TMEM117: variants seen among roughly 807,000 people sequenced by gnomAD.
TMEM117 encodes the protein transmembrane protein 117.
Under a neutral mutation model 52.4 loss-of-function variants are expected in TMEM117, and 27 were observed. The ratio of observed to expected loss-of-function variants is 0.51; its 90% CI spans 0.38 to 0.71. The LOEUF (loss-of-function observed/expected upper bound fraction) is 0.71, where lower values mean the gene tolerates loss of function less well. Among genes scored for constraint, TMEM117 ranks in the 30% least tolerant of loss-of-function variants. The probability of loss-of-function intolerance (pLI) is 0.00; values close to 1 mark genes in which losing one functional copy is unlikely to be tolerated. For synonymous variants in TMEM117, 215 were observed against 206.3 expected (o/e 1.04, Z -0.36); for missense variants, 556 against 630.5 (o/e 0.88, Z 1.26).
chr12:44,038,253 G>A (rs760181508), intron 3 of TMEM117, among the ~76,000 whole-genome samples: 1 of 152,116 alleles, frequency 6.6e-6, no homozygotes, highest in South Asian at 2.1e-4. Context: ...GCCCCTTGGG[G>A]AGCCTATACC....
intron 2 of TMEM117, among the ~76,000 whole-genome samples, chr12:43,856,454 T>C (rs1203884132): frequency 6.6e-6 from 1 of 152,178 alleles, no homozygotes; most frequent in African/African-American, 2.4e-5. Flanking sequence ...TGGAGTGACC[T>C]TCTGGCATAA....
rs1943209170 is a variant in TMEM117, at chr12:43,846,428, T to C, written c.277+1500T>C. ...CCTAGAGAGACTGGGTTGACTTTCC[T>C]GGTCTCAAGTTTAAACTCTCAGGGA... On this transcript the variant is annotated intron_variant, in intron 2 of 7. Transcript: ENST00000266534. Among the ~76,000 whole-genome samples, 4 of 152,226 alleles carry C rather than the reference T, an allele frequency of 2.6e-5. No individual in the cohort carries two copies. In the South Asian group the frequency reaches 6.2e-4, roughly 24 times the overall value.
intron 5 of TMEM117, among the ~76,000 whole-genome samples, chr12:44,226,494 T>C (rs779577629): frequency 7.4e-5 from 11 of 148,974 alleles, no homozygotes; most frequent in Non-Finnish European, 1.5e-4. Context: ...TAAATATAAA[T>C]ATATATATGT....
At chr12:44,158,912 C>A (rs1948863221) in intron 4 of TMEM117, among the ~76,000 whole-genome samples, 1 of 152,126 alleles carries the variant, frequency 6.6e-6, no homozygotes, top group Non-Finnish European at 1.5e-5. Context: ...GTACAGCTGG[C>A]TGGCAGATTG....
At chr12:43,903,428 CATA>C (rs1231426956) in intron 2 of TMEM117, among the ~76,000 whole-genome samples, 4 of 152,070 alleles carry the variant, frequency 2.6e-5, no homozygotes, top group Non-Finnish European at 5.9e-5. Flanking sequence ...AGTCATCTCA[CATA>C]AAAAATGGGA....
chr12:43,821,074 A>G, the TMEM117 span, among the ~76,000 whole-genome samples: 12 of 151,436 alleles, frequency 7.9e-5, no homozygotes, highest in East Asian at 1.9e-4. Context: ...TAGCCTGGGC[A>G]ACAAAGCAAG....
chr12:44,159,081 T>TG (rs1467198480), intron 4 of TMEM117, among the ~76,000 whole-genome samples: 4 of 152,062 alleles, frequency 2.6e-5, no homozygotes. Context: ...TGATTGGAGA[T>TG]GGGGGCGGCA....
At chr12:44,333,213 G>A (rs1226853964) in intron 6 of TMEM117, among the ~76,000 whole-genome samples, 3 of 152,026 alleles carry the variant, frequency 2.0e-5, no homozygotes, top group Admixed American at 2.0e-4. Flanking sequence ...AATGCATGGA[G>A]TAAGTGTACT....
the TMEM117 span, among the ~76,000 whole-genome samples, chr12:43,813,231 GTTTTTTTTT>G: frequency 5.3e-3 from 334 of 62,658 alleles, 1 homozygote; most frequent in Non-Finnish European, 9.1e-3. Flanking sequence ...GTTTTCTCTT[GTTTTTTTTT>G]TTTTTTTTTT....
intron 3 of TMEM117, among the ~76,000 whole-genome samples, chr12:43,976,747 A>G (rs908279667): frequency 1.3e-5 from 2 of 151,990 alleles, no homozygotes; most frequent in African/African-American, 4.8e-5. Context: ...GATCTCCTAC[A>G]TCTCCCCCTT....
intron 3 of TMEM117, among the ~76,000 whole-genome samples, chr12:44,036,049 AGTTTTG>A (rs1227731734): frequency 6.6e-6 from 1 of 152,128 alleles, no homozygotes; most frequent in Non-Finnish European, 1.5e-5. Flanking sequence ...TTTTCTACAC[AGTTTTG>A]GGGCACTAAT....
At chr12:44,149,044 C>T (rs915221530) in intron 4 of TMEM117, among the ~76,000 whole-genome samples, 1 of 152,198 alleles carries the variant, frequency 6.6e-6, no homozygotes, top group African/African-American at 2.4e-5. Context: ...GGGACACATG[C>T]TTGTGAACAC....
chr12:43,883,035 G>A (rs996463681), intron 2 of TMEM117, among the ~76,000 whole-genome samples: 1 of 152,072 alleles, frequency 6.6e-6, no homozygotes, highest in Non-Finnish European at 1.5e-5. Context: ...TCTTATTTGA[G>A]TTTTTGGGTT....
chr12:44,273,444 G>A (rs957258518), intron 5 of TMEM117, among the ~76,000 whole-genome samples: 1 of 151,574 alleles, frequency 6.6e-6, no homozygotes, highest in African/African-American at 2.4e-5. Flanking sequence ...GAGGAGGAAG[G>A]AATACTTCCA....
chr12:44,091,562 G>T (rs754643828), intron 3 of TMEM117, among the ~76,000 whole-genome samples: 7 of 152,110 alleles, frequency 4.6e-5, no homozygotes, highest in African/African-American at 1.4e-4. Context: ...TATTTACAGC[G>T]TGCCACTAAG....
chr12:44,315,403 C>T (rs550973988), intron 6 of TMEM117, among the ~76,000 whole-genome samples: 1 of 152,266 alleles, frequency 6.6e-6, no homozygotes, highest in African/African-American at 2.4e-5. Flanking sequence ...ATAAATTTTC[C>T]TGTCAACACT....
intron 5 of TMEM117, among the ~76,000 whole-genome samples, chr12:44,295,100 C>T (rs1950751090): frequency 6.6e-6 from 1 of 151,938 alleles, no homozygotes; most frequent in African/African-American, 2.4e-5. Context: ...TTTAAGCCTT[C>T]TGTTTCTTTC....
rs1386898797 is a variant in TMEM117, at chr12:44,083,491, TC to T, written c.411-60032del. On this transcript the variant is annotated intron_variant, in intron 3 of 7. Coordinates refer to ENST00000266534, the MANE Select transcript of TMEM117 (RefSeq NM_032256.3). ...ATCTTGGCTCACTGCAACCTCCACT[TC>T]CTGGGCTCAAGGTATCACTCCTGTC... 6 of 149,858 alleles carry T rather than the reference TC, an allele frequency of 4.0e-5. No homozygotes were observed. In the East Asian group the frequency reaches 1.2e-3, roughly 30 times the overall value. The allele number at this position is 149,858 out of a possible 1,614,324, so 9.3% of individuals were successfully genotyped here. A position where few individuals can be genotyped will look rare whatever the true frequency, so the allele number is the denominator to read the frequency against.
At chr12:44,012,129 C>A (rs147944393) in intron 3 of TMEM117, among the ~76,000 whole-genome samples, 2 of 152,120 alleles carry the variant, frequency 1.3e-5, no homozygotes, top group African/African-American at 4.8e-5. Context: ...CTTTTTATTG[C>A]GTGGTTTCTG....
Sources: allele counts gnomAD v4.1 joint callset (sites outside exome capture counted in the v4.1 genomes callset), GRCh38; gene constraint gnomAD v4.1.1; transcripts MANE v1.5; gene names NCBI Gene and HGNC (gene_info 2026-07-23, HGNC 2026-07-21).